The following THSD7A variants were observed in gnomAD, a reference collection of about 807,000 sequenced individuals.
THSD7A encodes the protein thrombospondin type 1 domain containing 7A.
THSD7A carries 96 observed loss-of-function variants against 231.3 expected under a neutral mutation model. The observed-to-expected ratio is 0.41, with a 90% CI of 0.35 to 0.49. The LOEUF (loss-of-function observed/expected upper bound fraction) is 0.49, where lower values mean the gene tolerates loss of function less well. Ranked by LOEUF, THSD7A falls within the 20% of genes least tolerant of loss-of-function variation. THSD7A has a pLI of 0.05. For synonymous variants in THSD7A, 940 were observed against 743.3 expected (o/e 1.26, Z -4.30); for missense variants, 2,290 against 2,070.2 (o/e 1.11, Z -2.06).
At chr7:11,783,663 T>C (rs1783700669) in intron 1 of THSD7A, among the ~76,000 whole-genome samples, 1 of 152,088 alleles carries the variant, frequency 6.6e-6, no homozygotes, top group South Asian at 2.1e-4. Context: ...AAATATAGAT[T>C]TGGGCAATTG....
intron 1 of THSD7A, among the ~76,000 whole-genome samples, chr7:11,667,334 C>T (rs1407795014): frequency 6.6e-6 from 1 of 151,944 alleles, no homozygotes; most frequent in African/African-American, 2.4e-5. Flanking sequence ...TGTTTACAAC[C>T]ATACCACTTC....
chr7:11,769,153 A>ATATATTTTTTTT, intron 1 of THSD7A, among the ~76,000 whole-genome samples: 1 of 27,648 alleles, frequency 3.6e-5, no homozygotes, highest in African/African-American at 1.2e-4. Flanking sequence ...ATATATATAT[A>ATATATTTTTTTT]TTTTTTTTTT....
intron 16 of THSD7A, among the ~76,000 whole-genome samples, chr7:11,420,516 G>C (rs1402031685): frequency 6.6e-6 from 1 of 152,254 alleles, no homozygotes; most frequent in African/African-American, 2.4e-5. Context: ...GATTTCAGAG[G>C]ATGTATGGAA....
intron 6 of THSD7A, among the ~76,000 whole-genome samples, chr7:11,521,460 CTTTTTTAT>C (rs1356165896): frequency 4.2e-5 from 6 of 143,602 alleles, no homozygotes; most frequent in Non-Finnish European, 9.0e-5. Context: ...GGGCCACATT[CTTTTTTAT>C]TTTTTTATTT....
chr7:11,538,157 T>TG (rs1434334913), intron 6 of THSD7A, among the ~76,000 whole-genome samples: 2 of 152,150 alleles, frequency 1.3e-5, no homozygotes, highest in Non-Finnish European at 2.9e-5. Flanking sequence ...TTTGCTAATG[T>TG]GGGGAAAAGA....
At chr7:11,412,241 AATC>A (rs1783810830) in intron 18 of THSD7A, among the ~76,000 whole-genome samples, 1 of 152,152 alleles carries the variant, frequency 6.6e-6, no homozygotes, top group African/African-American at 2.4e-5. Context: ...ATTGCTGACT[AATC>A]ATGTTTATAA....
chr7:11,806,713 C>T (rs982320357), intron 1 of THSD7A, among the ~76,000 whole-genome samples: 20 of 152,098 alleles, frequency 1.3e-4, no homozygotes, highest in African/African-American at 3.9e-4. Flanking sequence ...TTGTTCAGAA[C>T]CTGAGGGAAA....
intron 23 of THSD7A, among the ~76,000 whole-genome samples, chr7:11,386,813 A>C (rs1282885042): frequency 2.0e-5 from 3 of 152,172 alleles, no homozygotes; most frequent in African/African-American, 7.2e-5. Flanking sequence ...AGTATTGCCT[A>C]GGTTTTCTTC....
At chr7:11,625,063 G>A (rs1781435164) in intron 2 of THSD7A, among the ~76,000 whole-genome samples, 1 of 151,976 alleles carries the variant, frequency 6.6e-6, no homozygotes, top group Non-Finnish European at 1.5e-5. Flanking sequence ...AATAATTTCT[G>A]AGAAATTCAT....
At chr7:11,558,499 G>A (rs1789941131) in intron 4 of THSD7A, among the ~76,000 whole-genome samples, 1 of 152,084 alleles carries the variant, frequency 6.6e-6, no homozygotes, top group Admixed American at 6.5e-5. Context: ...AGAACTTTCT[G>A]TTTTAATGGG....
chr7:11,555,590 C>T (rs574020570), intron 4 of THSD7A, among the ~76,000 whole-genome samples: 120 of 151,940 alleles, frequency 7.9e-4, no homozygotes, highest in African/African-American at 2.8e-3. Context: ...GTTGATGGTA[C>T]TGAGTTCTTC....
rs575059275 is a variant in THSD7A at position 11,464,613 on chromosome 7, C to A, written c.2369-2470G>T. On this transcript the variant is annotated intron_variant, in intron 9 of 27. Transcript: ENST00000423059. Reference sequence around the variant, plus strand: ...TCATCACAAACTCCACAAATTAGTACTAGATATATAAGACTATGATGACTC... The same window carrying A: ...TCATCACAAACTCCACAAATTAGTAATAGATATATAAGACTATGATGACTC... Among the ~76,000 whole-genome samples, 5 of 152,218 alleles carry A rather than the reference C, an allele frequency of 3.3e-5. No homozygotes were observed. In the South Asian group the frequency reaches 1.0e-3, roughly 32 times the overall value.
At chr7:11,376,695 T>A (rs1156987959) in intron 26 of THSD7A, 38 bp from the exon 27 acceptor site, 8 of 1,475,398 alleles carry the variant, frequency 5.4e-6, no homozygotes, top group Non-Finnish European at 6.5e-6. Flanking sequence ...TTTACATTAG[T>A]CTGGTATACA....
intron 14 of THSD7A, among the ~76,000 whole-genome samples, chr7:11,428,294 C>T (rs1354483998): frequency 6.6e-6 from 1 of 152,140 alleles, no homozygotes; most frequent in East Asian, 1.9e-4. Context: ...CCATTTAAAT[C>T]AGTCACAATT....
intron 1 of THSD7A, among the ~76,000 whole-genome samples, chr7:11,669,646 A>G (rs903445078): frequency 3.3e-5 from 5 of 151,876 alleles, no homozygotes; most frequent in African/African-American, 1.2e-4. Context: ...TTTTGCTTTA[A>G]AAAGTTATAT....
At chr7:11,416,850 C>T (rs962853015) in intron 17 of THSD7A, among the ~76,000 whole-genome samples, 3 of 152,104 alleles carry the variant, frequency 2.0e-5, no homozygotes, top group Admixed American at 1.3e-4. Flanking sequence ...AATATAGAAG[C>T]TTTGTGTGAT....
intron 2 of THSD7A, among the ~76,000 whole-genome samples, chr7:11,626,494 A>G (rs1369154240): frequency 6.6e-6 from 1 of 152,150 alleles, no homozygotes; most frequent in Non-Finnish European, 1.5e-5. Context: ...CATCCTGTCC[A>G]TGATGAGATA....
Position 11,424,756 on chromosome 7 carries a change from T to C in THSD7A, c.3323A>G (p.Lys1108Arg). Residue 1108 changes from lysine (K) to arginine (R), a missense_variant, in exon 16 of 28, where the codon AAG (lysine) becomes AGG (arginine). Transcript: ENST00000423059. ...CTCCCGCATATTCACAAAGGTCACC[T>C]TGCAGATGCTCCAGGGCTCTGTGAC... is the stretch of plus-strand genomic sequence containing the variant. ...LWVTEPWSIC[K>R]VTFVNMRENC... is the part of the protein sequence containing the mutation. 3 of 1,614,022 alleles carry C rather than the reference T, an allele frequency of 1.9e-6. No homozygotes were observed. Among genetic ancestry groups the C allele is most frequent in the South Asian group, 1.1e-5 (1 of 91,086 alleles).
chr7:11,705,116 G>C (rs984641834), intron 1 of THSD7A, among the ~76,000 whole-genome samples: 48 of 151,042 alleles, frequency 3.2e-4, no homozygotes, highest in African/African-American at 1.1e-3. Flanking sequence ...GTTGGATTAT[G>C]GCATATAATT....
Sources: gnomAD v4.1 joint callset for allele counts (sites outside exome capture counted in the v4.1 genomes callset) on GRCh38, gnomAD v4.1.1 for gene constraint, MANE v1.5 for transcripts, NCBI Gene and HGNC (gene_info 2026-07-23, HGNC 2026-07-21) for gene names.